Variants in RIPOR2 observed in about 807,000 individuals in gnomAD.
RIPOR2 encodes the protein RHO family interacting cell polarization regulator 2.
In RIPOR2, 39 loss-of-function variants were observed where a neutral mutation model predicts 114.5. The ratio of observed to expected loss-of-function variants is 0.34; its 90% CI spans 0.26 to 0.44. RIPOR2 has a LOEUF of 0.44. Ranked by LOEUF, RIPOR2 falls within the 20% of genes least tolerant of loss-of-function variation. RIPOR2 has a pLI of 1.00. For synonymous variants in RIPOR2, 445 were observed against 484.4 expected (o/e 0.92, Z 1.07); for missense variants, 1,007 against 1,255.1 (o/e 0.80, Z 2.99).
At chr6:24,887,367 C>T (rs748491568) in intron 1 of RIPOR2, among the ~76,000 whole-genome samples, 1 of 152,174 alleles carries the variant, frequency 6.6e-6, no homozygotes, top group African/African-American at 2.4e-5. Context: ...GTCACCTGCT[C>T]TCTCTAAGCC....
intron 1 of RIPOR2, among the ~76,000 whole-genome samples, chr6:24,890,645 A>G (rs1767261092): frequency 6.8e-6 from 1 of 147,586 alleles, no homozygotes; most frequent in African/African-American, 2.5e-5. Context: ...TTTGTACCCA[A>G]TAGATTTTTT....
chr6:24,943,423 A>G lies in RIPOR2; in HGVS notation c.77-67606T>C, dbSNP rs185084453. 2.1e-3 allele frequency among the ~76,000 whole-genome samples: 327 copies of G among 152,294 alleles called. 1 individual carries two copies. The highest frequency in any genetic ancestry group is 6.8e-3 in the Middle Eastern group (2 of 294). On this transcript the variant is annotated intron_variant, in intron 1 of 13. Coordinates refer to the RIPOR2 transcript ENST00000510784. The stretch of plus-strand genomic sequence containing the variant: ...GAGTTATTGGGTGCAGCACACCAAC[A>G]TGGCACATGCATACGTATGTGACTA...
At chr6:24,837,090 A>G (rs1430945963) in intron 14 of RIPOR2, among the ~76,000 whole-genome samples, 1 of 152,168 alleles carries the variant, frequency 6.6e-6, no homozygotes, top group Non-Finnish European at 1.5e-5. Context: ...CACAAATTCT[A>G]TCAAGCTAAA....
chr6:24,861,115 C>T, intron 7 of RIPOR2, 79 bp from the exon 8 acceptor site: 1 of 878,806 alleles, frequency 1.1e-6, no homozygotes, highest in Non-Finnish European at 1.9e-6. Flanking sequence ...CGAACAGCAG[C>T]ACAACCACTG....
At chr6:24,865,222 G>A in intron 7 of RIPOR2, 79 bp downstream of exon 7, 1 of 1,264,596 alleles carries the variant, frequency 7.9e-7, no homozygotes, top group East Asian at 2.5e-5. Context: ...GTTGCTGTTT[G>A]CCTTGTTCTT....
Position 24,969,680 on chromosome 6 carries a change from C to T in RIPOR2, c.76+72171G>A, listed in dbSNP as rs1021015118. On this transcript the variant is annotated intron_variant, in intron 1 of 13. Coordinates refer to the RIPOR2 transcript ENST00000510784. ...TGCTGATAAGGCTCTTTTTGATTGGCCCTGCTCCCACTCCAACTTCACTTC... is the reference window on the plus strand; with the variant it reads ...TGCTGATAAGGCTCTTTTTGATTGGTCCTGCTCCCACTCCAACTTCACTTC... Among the ~76,000 whole-genome samples, 5 of 152,000 alleles carry T rather than the reference C, an allele frequency of 3.3e-5. No individual in the cohort carries two copies. The South Asian group carries it at 8.3e-4, about 25-fold the overall frequency.
rs1397719090 is a variant in RIPOR2, at chr6:25,037,741, G to C, written c.76+4110C>G. 6.6e-6 allele frequency among the ~76,000 whole-genome samples: 1 copy of C among 152,106 alleles called. No homozygotes were observed. Among genetic ancestry groups the C allele is most frequent in the Non-Finnish European group, 1.5e-5 (1 of 68,002 alleles). Reference sequence around the variant, plus strand: ...GAAAGGAAGAAGTGAGGAAGGCTTAGGGAAGATGAACTTTGGGATCCATTG... The same window carrying C: ...GAAAGGAAGAAGTGAGGAAGGCTTACGGAAGATGAACTTTGGGATCCATTG... On this transcript the variant is annotated intron_variant, in intron 1 of 13. Coordinates refer to the RIPOR2 transcript ENST00000510784. This position sits in a 1 kb window ranked among gnomAD's most constrained non-coding sequence, Gnocchi z 4.5.
chr6:24,933,177 A>C (rs1489670889), intron 1 of RIPOR2, among the ~76,000 whole-genome samples: 1 of 152,230 alleles, frequency 6.6e-6, no homozygotes, highest in East Asian at 1.9e-4. Flanking sequence ...TCTGAGGTTA[A>C]CCAGACGTGA....
At chr6:24,806,816 A>C (rs1239155674) in intron 21 of RIPOR2, among the ~76,000 whole-genome samples, 1 of 152,234 alleles carries the variant, frequency 6.6e-6, no homozygotes, top group Non-Finnish European at 1.5e-5. Flanking sequence ...TAGGGATTTC[A>C]ATATGGCTAA....
At chr6:24,872,555 C>G (rs992564673) in intron 4 of RIPOR2, among the ~76,000 whole-genome samples, 2 of 152,116 alleles carry the variant, frequency 1.3e-5, no homozygotes, top group Non-Finnish European at 2.9e-5. Context: ...GCTAGGAAAA[C>G]TTCAACTTTT....
At position 24,839,147 on chromosome 6, in the gene RIPOR2, A is replaced by G; in HGVS notation, c.1983T>C (p.Cys661=). 6.4e-7 allele frequency: 1 copy of G among 1,551,720 alleles called. No individual in the cohort carries two copies. Among genetic ancestry groups the G allele is most frequent in the Non-Finnish European group, 8.7e-7 (1 of 1,146,982 alleles). The part of the protein sequence containing the change: ...FDEEEDGDEV[C]NVGGGADSVF... ...CTGAGTCAGCACCTCCGCCAACATT[A>G]CAAACCTCATCACCATCCTCCTCCT... The change falls in exon 14 of 22, where the codon TGT becomes TGC. Residue 661 remains cysteine, a synonymous_variant. Transcript: ENST00000643898.
chr6:25,031,737 AT>A (rs1561855843), intron 1 of RIPOR2, among the ~76,000 whole-genome samples: 1,814 of 107,282 alleles, frequency 0.017, 71 homozygotes, highest in Non-Finnish European at 0.025. Flanking sequence ...ATATATATAT[AT>A]ATATATATAT....
chr6:24,811,478 A>C (rs6932875), intron 20 of RIPOR2, among the ~76,000 whole-genome samples: 112,688 of 150,752 alleles, frequency 0.75, 44,153 homozygotes, highest in East Asian at 0.89. Flanking sequence ...CTCAAGTGAT[A>C]CGCCTGCCTC....
At chr6:24,852,025 G>A (rs1198510184) in intron 9 of RIPOR2, among the ~76,000 whole-genome samples, 1 of 151,646 alleles carries the variant, frequency 6.6e-6, no homozygotes, top group Non-Finnish European at 1.5e-5. Context: ...GCCGAAGGGT[G>A]GGCGGGGGGG....
At chr6:25,040,388 T>C (rs1032993811) in intron 1 of RIPOR2, among the ~76,000 whole-genome samples, 13 of 152,128 alleles carry the variant, frequency 8.5e-5, no homozygotes, top group Admixed American at 5.9e-4. Flanking sequence ...AGTGTTGGAA[T>C]TACAGGCGTG....
At position 24,834,972 on chromosome 6, in the gene RIPOR2, C is replaced by T. The variant is rs144391379; in HGVS notation, c.2208+731G>A. ...CATTCTCTTCCTGTTCCACATACAC[C>T]CAAGCAAGCTGGGAGAAGAATGATA... On this transcript the variant is annotated intron_variant, in intron 15 of 21. Coordinates refer to ENST00000643898, the MANE Select transcript of RIPOR2 (RefSeq NM_001286445.3). 3.6e-3 allele frequency among the ~76,000 whole-genome samples: 544 copies of T among 152,228 alleles called. 2 individuals are homozygous for T. The highest frequency in any genetic ancestry group is 0.012 in the African/African-American group (505 of 41,544).
chr6:24,875,877 A>G, intron 1 of RIPOR2, 60 bp from the exon 2 acceptor site: 1 of 1,476,754 alleles, frequency 6.8e-7, no homozygotes. Context: ...AAGATGCACT[A>G]AGCTTGTCAA....
intron 7 of RIPOR2, among the ~76,000 whole-genome samples, chr6:24,862,555 G>A (rs1410405977): frequency 2.6e-5 from 4 of 152,206 alleles, no homozygotes; most frequent in Non-Finnish European, 4.4e-5. Flanking sequence ...TAGCTAGCAA[G>A]GCTGGGGAAA....
chr6:24,922,301 A>G (rs559789842), intron 1 of RIPOR2, among the ~76,000 whole-genome samples: 8 of 152,210 alleles, frequency 5.3e-5, no homozygotes, highest in East Asian at 3.8e-4. Context: ...ACGCCCAGCT[A>G]GGAAGAAATT....
Sources: allele counts gnomAD v4.1 joint callset (sites outside exome capture counted in the v4.1 genomes callset), GRCh38; gene constraint gnomAD v4.1.1; non-coding constraint Gnocchi (gnomAD v3.1); transcripts MANE v1.5; gene names NCBI Gene and HGNC (gene_info 2026-07-23, HGNC 2026-07-21).